The following GSE1 variants were observed in gnomAD, a reference collection of about 807,000 sequenced individuals.
GSE1 encodes the protein Gse1 coiled-coil protein.
In GSE1, 32 loss-of-function variants were observed where a neutral mutation model predicts 112.6. That is an observed-to-expected ratio of 0.28 (90% CI 0.21 to 0.38). The LOEUF (loss-of-function observed/expected upper bound fraction) is 0.38. GSE1 is among the 10% of genes least tolerant of loss of function. GSE1 has a pLI of 1.00. For synonymous variants in GSE1, 1,115 were observed against 735.6 expected (o/e 1.52, Z -8.35); for missense variants, 2,348 against 1,699.2 (o/e 1.38, Z -6.71).
At chr16:85,384,204 C>T (rs1343973924) in intron 2 of GSE1, among the ~76,000 whole-genome samples, 1 of 152,222 alleles carries the variant, frequency 6.6e-6, no homozygotes, top group South Asian at 2.1e-4. Context: ...CTGCCCAGCC[C>T]AGGCTTCCTG....
intron 8 of GSE1, among the ~76,000 whole-genome samples, chr16:85,658,321 C>T (rs1474962299): frequency 6.6e-6 from 1 of 152,204 alleles, no homozygotes; most frequent in Non-Finnish European, 1.5e-5. Flanking sequence ...ACCTGCCAGC[C>T]TTCCATAGCT....
intron 2 of GSE1, among the ~76,000 whole-genome samples, chr16:85,531,754 A>G (rs1291844171): frequency 1.3e-5 from 2 of 152,198 alleles, no homozygotes; most frequent in African/African-American, 4.8e-5. Context: ...GATGGACCGG[A>G]TGGCCCCGGG....
At chr16:85,443,635 C>T (rs1013603873) in intron 2 of GSE1, among the ~76,000 whole-genome samples, 1 of 152,248 alleles carries the variant, frequency 6.6e-6, no homozygotes, top group Admixed American at 6.5e-5. Context: ...TGGCGTGTGC[C>T]GAGTGCAGCG....
At position 85,305,213 on chromosome 16, in the gene GSE1, T is replaced by C. The variant is rs369912200; in HGVS notation, c.2284-52250T>C. ...ATCACCTGGAGAGCTCTCCACAAAA[T>C]ACTGATGTCCTGGCCTCGTTCCAGT... On this transcript the variant is annotated intron_variant, in intron 1 of 2. Transcript: ENST00000637419. Among the ~76,000 whole-genome samples the C allele has an allele frequency of 1.2e-4, 18 of 152,302 alleles. No individual in the cohort carries two copies. The East Asian group carries it at 3.5e-3, about 29-fold the overall frequency.
rs141522013 is a variant in GSE1, at chr16:85,596,239, A to C, written c.37+39876A>C. 8.8e-4 allele frequency among the ~76,000 whole-genome samples: 134 copies of C among 152,302 alleles called. 1 individual carries two copies. Among genetic ancestry groups the C allele is most frequent in the African/African-American group, 2.8e-3 (117 of 41,560 alleles). ...CTCACATCAGCATGATGGTCCGCCTAACGTGAGGGGAGGGGGCCTGGCCCA... is the reference window on the plus strand; with the variant it reads ...CTCACATCAGCATGATGGTCCGCCTCACGTGAGGGGAGGGGGCCTGGCCCA... On this transcript the variant is annotated intron_variant, in intron 1 of 2. Coordinates refer to the GSE1 transcript ENST00000635906.
In GSE1 at chr16:85,240,833, A is replaced by G. The variant is rs144398615; in HGVS notation, c.2283+69026A>G. Among the ~76,000 whole-genome samples the G allele has an allele frequency of 3.0e-3, 457 of 152,242 alleles. 2 individuals carry two copies. The highest frequency in any genetic ancestry group is 5.4e-3 in the Non-Finnish European group (364 of 68,004). Reference sequence around the variant, plus strand: ...GTGCTGGGTTGGGGGGTCCCAGGTAATTATGATTCCAGCACAGTCGGGGAG... The same window carrying G: ...GTGCTGGGTTGGGGGGTCCCAGGTAGTTATGATTCCAGCACAGTCGGGGAG... On this transcript the variant is annotated intron_variant, in intron 1 of 2. Transcript: ENST00000637419.
At chr16:85,229,371 C>T (rs149089688) in intron 1 of GSE1, among the ~76,000 whole-genome samples, 2,049 of 152,296 alleles carry the variant, frequency 0.013, 19 homozygotes, top group Non-Finnish European at 0.023. Context: ...TTGTGGCTGC[C>T]GTTCAGCTCA....
Position 85,613,322 on chromosome 16 carries a change from A to C in GSE1, c.-70A>C. The C allele has an allele frequency of 6.4e-7, 1 of 1,551,552 alleles. No homozygotes were observed. The highest frequency in any genetic ancestry group is 1.2e-5 in the South Asian group (1 of 84,268). On this transcript the variant is annotated 5_prime_UTR_variant, in exon 1 of 16. Transcript: ENST00000253458. ...CCGAGCAGCCCCGGGTGAGATAAGC[A>C]GTTTAGACAAACACTGGGCGACGGT...
intron 1 of GSE1, among the ~76,000 whole-genome samples, chr16:85,286,810 T>C (rs575908028): frequency 2.0e-5 from 3 of 151,292 alleles, no homozygotes; most frequent in South Asian, 2.1e-4. Context: ...GATCAGCGAG[T>C]GGGATGTTTT....
At chr16:85,207,376 C>G (rs1327938623) in intron 1 of GSE1, among the ~76,000 whole-genome samples, 1 of 152,246 alleles carries the variant, frequency 6.6e-6, no homozygotes, top group African/African-American at 2.4e-5. Context: ...GCCAGCCATC[C>G]CCATCACTCA....
chr16:85,642,006 G>A (rs2050487462), intron 2 of GSE1, among the ~76,000 whole-genome samples: 1 of 152,262 alleles, frequency 6.6e-6, no homozygotes. Context: ...CACAGGCTCT[G>A]TGGACCTGCC....
chr16:85,606,422 C>T (rs139330160), upstream of GSE1, among the ~76,000 whole-genome samples: 2 of 152,236 alleles, frequency 1.3e-5, no homozygotes, highest in East Asian at 1.9e-4. Context: ...GCCCTGAACG[C>T]GGACCTGGTC....
intron 1 of GSE1, among the ~76,000 whole-genome samples, chr16:85,224,833 CA>C (rs34148489): frequency 0.28 from 30,449 of 107,330 alleles, 3,216 homozygotes; most frequent in Middle Eastern, 0.4. Context: ...ACTAAAAATA[CA>C]AAAAAAAAAA....
chr16:85,588,662 G>C (rs1225439915), intron 1 of GSE1, among the ~76,000 whole-genome samples: 1 of 152,206 alleles, frequency 6.6e-6, no homozygotes, highest in African/African-American at 2.4e-5. Flanking sequence ...GAATATTTCT[G>C]TATTTCCCGA....
chr16:85,646,489 C>A (rs551762394), intron 2 of GSE1, among the ~76,000 whole-genome samples: 1 of 152,328 alleles, frequency 6.6e-6, no homozygotes, highest in East Asian at 1.9e-4. Flanking sequence ...GTGGACACTG[C>A]TGTGATATCA....
At position 85,674,903 on chromosome 16, in the gene GSE1, G is replaced by C. The variant is rs746021701; in HGVS notation, c.*2364G>C. ...CTTCCACCTACTTGTGGCGATCTGAGTACTCTACTCTTGCTCAAGAAGTAA... is the reference window on the plus strand; with the variant it reads ...CTTCCACCTACTTGTGGCGATCTGACTACTCTACTCTTGCTCAAGAAGTAA... On this transcript the variant is annotated 3_prime_UTR_variant, in exon 16 of 16. Coordinates refer to ENST00000253458, the MANE Select transcript of GSE1 (RefSeq NM_014615.5). 7 of 152,558 alleles carry C rather than the reference G, an allele frequency of 4.6e-5. No individual in the cohort carries two copies. The highest frequency in any genetic ancestry group is 1.4e-4 in the African/African-American group (6 of 41,402). The allele number at this position is 152,558 out of a possible 1,614,324, so 9.5% of individuals were successfully genotyped here. A position where few individuals can be genotyped will look rare whatever the true frequency, so the allele number is the denominator to read the frequency against.
At chr16:85,263,043 C>A (rs796969747) in intron 1 of GSE1, among the ~76,000 whole-genome samples, 2 of 152,140 alleles carry the variant, frequency 1.3e-5, no homozygotes, top group Non-Finnish European at 2.9e-5. Context: ...CCACAGATCG[C>A]GGGAGGGCGG....
intron 2 of GSE1, among the ~76,000 whole-genome samples, chr16:85,645,195 G>A (rs1220338243): frequency 6.6e-6 from 1 of 152,016 alleles, no homozygotes; most frequent in Admixed American, 6.6e-5. Flanking sequence ...TAGTCCATCT[G>A]GGGGTCTGGG....
chr16:85,375,976 G>C (rs7185281), intron 2 of GSE1, among the ~76,000 whole-genome samples: 105,103 of 152,054 alleles, frequency 0.69, 36,432 homozygotes, highest in Middle Eastern at 0.75. Context: ...GGGCCTGGCT[G>C]CAGCCCAGCA....
Sources: gnomAD v4.1 joint callset for allele counts (sites outside exome capture counted in the v4.1 genomes callset) on GRCh38, gnomAD v4.1.1 for gene constraint, MANE v1.5 for transcripts, NCBI Gene and HGNC (gene_info 2026-07-23, HGNC 2026-07-21) for gene names.